The following DNAH8 variants were observed in gnomAD, a reference collection of about 807,000 sequenced individuals.
DNAH8 encodes the protein axonemal beta dynein heavy chain 8.
In DNAH8, 382 loss-of-function variants were observed where a neutral mutation model predicts 562.1. The observed-to-expected ratio is 0.68, with a 90% CI of 0.63 to 0.74. DNAH8 has a LOEUF of 0.74. Among genes scored for constraint, DNAH8 ranks in the 30% least tolerant of loss-of-function variants. The probability of loss-of-function intolerance (pLI) is 0.00; values close to 1 mark genes in which losing one functional copy is unlikely to be tolerated. For missense variants in DNAH8, 5,203 were observed against 5,620.4 expected (o/e 0.93, Z 2.37); for synonymous variants, 1,881 against 1,919.4 (o/e 0.98, Z 0.52).
At position 39,026,626 on chromosome 6, in the gene DNAH8, G is replaced by C; in HGVS notation, c.13795G>C (p.Val4599Leu). The change falls in exon 92 of 93, where the codon GTT becomes CTT. Residue 4599 changes from valine to leucine, a missense_variant. Coordinates refer to ENST00000327475, the MANE Select transcript of DNAH8 (RefSeq NM_001206927.2). ...GGACACTGTGACCATCCACAATGAAGTTCTGAGACAGACCAAGGAGGAGAT... is the reference window on the plus strand; with the variant it reads ...GGACACTGTGACCATCCACAATGAACTTCTGAGACAGACCAAGGAGGAGAT... Reference protein sequence around the residue: ...ALDTVTIHNEVLRQTKEEITS... With the variant: ...ALDTVTIHNELLRQTKEEITS... The C allele has an allele frequency of 6.2e-7, 1 of 1,613,740 alleles. No individual in the cohort carries two copies. Among genetic ancestry groups the C allele is most frequent in the South Asian group, 1.1e-5 (1 of 91,060 alleles).
intron 91 of DNAH8, among the ~76,000 whole-genome samples, chr6:39,015,658 C>G (rs946087467): frequency 6.6e-6 from 1 of 152,218 alleles, no homozygotes; most frequent in South Asian, 2.1e-4. Context: ...AAACCTCATT[C>G]CTTCATAAAT....
chr6:38,874,479 C>G (rs1777835827), intron 52 of DNAH8, among the ~76,000 whole-genome samples: 1 of 151,522 alleles, frequency 6.6e-6, no homozygotes, highest in Non-Finnish European at 1.5e-5. Context: ...GAGCTGTCCT[C>G]CTGCCTTAGC....
intron 1 of DNAH8, among the ~76,000 whole-genome samples, chr6:38,717,626 G>T (rs116287927): frequency 7.3e-6 from 1 of 137,852 alleles, no homozygotes; most frequent in African/African-American, 3.0e-5. Flanking sequence ...ATGTACACAT[G>T]ATTTTTTTTT....
intron 57 of DNAH8, among the ~76,000 whole-genome samples, chr6:38,889,174 A>C (rs1779166693): frequency 6.6e-6 from 1 of 152,214 alleles, no homozygotes; most frequent in Non-Finnish European, 1.5e-5. Flanking sequence ...ACAGGCACAC[A>C]GTGGCCTGCT....
chr6:38,884,058 A>G, intron 56 of DNAH8, 60 bp downstream of exon 56: 1 of 1,062,838 alleles, frequency 9.4e-7, no homozygotes. Flanking sequence ...TATATATATT[A>G]TATATATGTA....
intron 88 of DNAH8, among the ~76,000 whole-genome samples, chr6:38,990,924 A>G (rs1419759403): frequency 5.3e-5 from 8 of 152,180 alleles, no homozygotes; most frequent in Non-Finnish European, 4.4e-5. Context: ...GAAAAGTCAC[A>G]AGGTTTACAT....
intron 5 of DNAH8, among the ~76,000 whole-genome samples, chr6:38,735,138 T>C (rs1244944066): frequency 6.6e-6 from 1 of 152,218 alleles, no homozygotes; most frequent in East Asian, 1.9e-4. Flanking sequence ...GACTTAGATC[T>C]CTACGTTCTT....
At chr6:39,000,504 C>T (rs919338583) in intron 88 of DNAH8, among the ~76,000 whole-genome samples, 1 of 152,124 alleles carries the variant, frequency 6.6e-6, no homozygotes, top group Non-Finnish European at 1.5e-5. Flanking sequence ...AGATCAGTGG[C>T]GGCATTAGAT....
rs775166742 is a variant in DNAH8 at position 38,805,523 on chromosome 6, G to T, written c.3077G>T (p.Gly1026Val). The T allele has an allele frequency of 6.2e-7, 1 of 1,610,794 alleles. No individual in the cohort carries two copies. The highest frequency in any genetic ancestry group is 1.1e-5 in the South Asian group (1 of 90,970). Residue 1026 changes from glycine (G) to valine (V), a missense_variant, in exon 23 of 93, where the codon GGT becomes GTT. By Grantham distance (109) the Gly-to-Val change is moderately radical. Transcript: ENST00000327475. ...GTTTTTGGAAGTGAAACAGGAGAGG[G>T]TGAAAACAATGACTATGAAGCTAAT... Reference protein sequence around the residue: ...HVVFGSETGEGENNDYEANIV... With the variant: ...HVVFGSETGEVENNDYEANIV...
At chr6:38,725,975 T>C (rs1028863039) in intron 3 of DNAH8, among the ~76,000 whole-genome samples, 3 of 152,230 alleles carry the variant, frequency 2.0e-5, no homozygotes, top group African/African-American at 4.8e-5. Context: ...TTTGGCTACA[T>C]GTCTTTCTAG....
Position 38,942,569 on chromosome 6 carries a change from C to T in DNAH8, c.12008-2898C>T, listed in dbSNP as rs552376757. ...CAGGGGAATGGCTGGATGGGTGAGC[C>T]TGAGGTTTGGCTGGCACACAGCAGA... On this transcript the variant is annotated intron_variant, in intron 79 of 92. Transcript: ENST00000327475. Among the ~76,000 whole-genome samples the T allele has an allele frequency of 4.6e-5, 7 of 152,294 alleles. No homozygotes were observed. The East Asian group carries it at 1.4e-3, about 29-fold the overall frequency.
chr6:38,782,957 A>T (rs1194019091), intron 16 of DNAH8, 47 bp from the exon 17 acceptor site: 1 of 1,532,762 alleles, frequency 6.5e-7, no homozygotes, highest in Non-Finnish European at 8.9e-7. Context: ...TGGATATAAA[A>T]ACATTCAGCA....
chr6:38,734,345 A>T, intron 4 of DNAH8, 129 bp from the exon 5 acceptor site: 1 of 737,982 alleles, frequency 1.4e-6, no homozygotes, highest in South Asian at 2.2e-5. Flanking sequence ...CAAAAAAATT[A>T]TTCTATGACC....
At position 38,894,844 on chromosome 6, in the gene DNAH8, C is replaced by T. The variant is rs745669459; in HGVS notation, c.8727C>T (p.Cys2909=). 1.4e-5 allele frequency: 22 copies of T among 1,613,710 alleles called. No homozygotes were observed. In the Admixed American group the frequency reaches 3.5e-4, roughly 26 times the overall value. The change falls in exon 59 of 93, where the codon TGC becomes TGT. Residue 2909 remains cysteine, a synonymous_variant. Coordinates refer to ENST00000327475, the MANE Select transcript of DNAH8 (RefSeq NM_001206927.2). ...TCCTGTCCCTTTTCAAACACGAGTG[C>T]AGCAGAGTAATTGCAGACAGGTGCG... The part of the protein sequence containing the change: ...PTLLSLFKHE[C]SRVIADRFIT...
intron 82 of DNAH8, among the ~76,000 whole-genome samples, chr6:38,969,125 A>G (rs961957277): frequency 6.6e-6 from 1 of 152,104 alleles, no homozygotes; most frequent in African/African-American, 2.4e-5. Flanking sequence ...ATGGGAAGTG[A>G]CTGCTAATGG....
intron 91 of DNAH8, among the ~76,000 whole-genome samples, chr6:39,024,574 C>T (rs1453401617): frequency 6.6e-6 from 1 of 152,154 alleles, no homozygotes; most frequent in Non-Finnish European, 1.5e-5. Flanking sequence ...CATCTGTAAA[C>T]CCAGCTACTC....
At chr6:38,908,388 G>A (rs1204945052) in intron 64 of DNAH8, among the ~76,000 whole-genome samples, 1 of 152,112 alleles carries the variant, frequency 6.6e-6, no homozygotes, top group Non-Finnish European at 1.5e-5. Context: ...AAGGGACTTG[G>A]TGATGTAACC....
chr6:38,898,155 G>A lies in DNAH8; in HGVS notation c.8941-103G>A, dbSNP rs918746528. ...TGGAAATCCATAACGTTTAAAAAAA[G>A]ATATGTATATTTTAAAATTACTTTT... is the stretch of plus-strand genomic sequence containing the variant. On this transcript the variant is annotated intron_variant, in intron 60 of 92. Coordinates refer to ENST00000327475, the MANE Select transcript of DNAH8 (RefSeq NM_001206927.2). The A allele has an allele frequency of 9.7e-6, 10 of 1,028,312 alleles. No individual in the cohort carries two copies. The African/African-American group carries it at 1.5e-4, about 16-fold the overall frequency. 63.7% of individuals were successfully genotyped at this position (1,028,312 alleles called of 1,614,324 possible).
At chr6:39,003,342 T>A (rs549669219) in intron 88 of DNAH8, among the ~76,000 whole-genome samples, 2 of 152,364 alleles carry the variant, frequency 1.3e-5, no homozygotes, top group Admixed American at 1.3e-4. Flanking sequence ...TGTCCCTGAT[T>A]TATCTCTGTT....
Sources: gnomAD v4.1 joint callset for allele counts (sites outside exome capture counted in the v4.1 genomes callset) on GRCh38, gnomAD v4.1.1 for gene constraint, MANE v1.5 for transcripts, NCBI Gene and HGNC (gene_info 2026-07-23, HGNC 2026-07-21) for gene names.